CD276: variants seen among roughly 807,000 people sequenced by gnomAD.
CD276 encodes CD276 antigen.
Under a neutral mutation model 50.0 loss-of-function variants are expected in CD276, and 34 were observed. The ratio of observed to expected loss-of-function variants is 0.68; its 90% CI spans 0.52 to 0.91. The LOEUF (loss-of-function observed/expected upper bound fraction) is 0.91. Ranked by LOEUF, CD276 falls within the 40% of genes least tolerant of loss-of-function variation. CD276 has a pLI of 0.00. For missense variants in CD276, 634 were observed against 717.5 expected (o/e 0.88, Z 1.33); for synonymous variants, 275 against 313.0 (o/e 0.88, Z 1.28).
chr15:73,688,097 A>C (rs1211091778), intron 1 of CD276, among the ~76,000 whole-genome samples: 1 of 152,116 alleles, frequency 6.6e-6, no homozygotes, highest in African/African-American at 2.4e-5. Flanking sequence ...CGAGTTGTGC[A>C]TTTGCTACTT....
At chr15:73,695,784 C>T (rs756781403) in intron 1 of CD276, among the ~76,000 whole-genome samples, 1 of 152,226 alleles carries the variant, frequency 6.6e-6, no homozygotes, top group Non-Finnish European at 1.5e-5. Context: ...ACTTGTCTGA[C>T]ATTTTCAGAA....
rs769865072 is a variant in CD276, at chr15:73,702,257, G to A, written c.82G>A (p.Ala28Thr). ...LGALWFCLTGALEVQVPEDPV... is the reference protein window; with the variant it reads ...LGALWFCLTGTLEVQVPEDPV... ...TTCTCCACTCCCCCTACCCCCAGGA[G>A]CCCTGGAGGTCCAGGTCCCTGAAGA... Residue 28 changes from alanine (A) to threonine (T), a missense_variant and splice_region_variant, in exon 3 of 10, where the codon GCC becomes ACC. Transcript: ENST00000318443. 1.9e-6 allele frequency: 3 copies of A among 1,605,496 alleles called. No individual in the cohort carries two copies. The highest frequency in any genetic ancestry group is 2.7e-5 in the African/African-American group (2 of 74,714).
At chr15:73,707,030 C>T (rs1393972477) in intron 6 of CD276, among the ~76,000 whole-genome samples, 1 of 152,206 alleles carries the variant, frequency 6.6e-6, no homozygotes, top group Non-Finnish European at 1.5e-5. Flanking sequence ...CTTTTCTGCA[C>T]ACCTCTCTTC....
At position 73,708,374 on chromosome 15, in the gene CD276, G is replaced by A. The variant is rs200206394; in HGVS notation, c.1405G>A (p.Val469Met). The A allele has an allele frequency of 8.1e-6, 13 of 1,614,192 alleles. No homozygotes were observed. In the East Asian group the frequency reaches 2.2e-4, roughly 28 times the overall value. ...PMTFPPEALWVTVGLSVCLIA... is the reference protein window; with the variant it reads ...PMTFPPEALWMTVGLSVCLIA... ...GACATTCCCCCCAGAGGCCCTGTGG[G>A]TGACCGTGGGGCTGTCTGTCTGTCT... Residue 469 changes from valine to methionine, a missense_variant, in exon 7 of 10, where the codon GTG (valine) becomes ATG (methionine). Transcript: ENST00000318443.
At chr15:73,684,233 A>C (rs901434539), upstream of CD276, 1 of 151,358 alleles carries the variant, frequency 6.6e-6, no homozygotes, top group Non-Finnish European at 1.5e-5. Context: ...TGCTCTGCCC[A>C]GCGGGCTGGC....
At chr15:73,696,819 T>A (rs1227094367) in intron 1 of CD276, among the ~76,000 whole-genome samples, 1 of 152,070 alleles carries the variant, frequency 6.6e-6, no homozygotes, top group Admixed American at 6.5e-5. Flanking sequence ...GGGAGGGACA[T>A]GAGCAGATTC....
Position 73,713,844 on chromosome 15 carries a change from G to C in CD276, c.*888G>C. On this transcript the variant is annotated 3_prime_UTR_variant, in exon 10 of 10. Coordinates refer to ENST00000318443, the MANE Select transcript of CD276 (RefSeq NM_001024736.2). ...TTTCTTTTCATGTATCCATTCAGTT[G>C]ATGTTTATTGAGCAACTACAGATGT... 2.3e-6 allele frequency: 1 copy of C among 440,910 alleles called. No individual in the cohort carries two copies. The highest frequency in any genetic ancestry group is 4.5e-6 in the Non-Finnish European group (1 of 220,944). The allele number at this position is 440,910 out of a possible 1,614,324, so 27.3% of individuals were successfully genotyped here.
intron 1 of CD276, among the ~76,000 whole-genome samples, chr15:73,696,785 G>A: frequency 6.6e-6 from 1 of 152,196 alleles, no homozygotes; most frequent in Middle Eastern, 3.2e-3. Flanking sequence ...AGTGAATGGG[G>A]AGCCATGGGA....
chr15:73,695,224 A>G (rs1419535599), intron 1 of CD276, among the ~76,000 whole-genome samples: 1 of 152,190 alleles, frequency 6.6e-6, no homozygotes, highest in Non-Finnish European at 1.5e-5. Flanking sequence ...GAAGTTGCCT[A>G]GTTAAGATTG....
chr15:73,701,604 T>A (rs1900391326), intron 2 of CD276, among the ~76,000 whole-genome samples: 1 of 152,242 alleles, frequency 6.6e-6, no homozygotes, highest in South Asian at 2.1e-4. Context: ...GTTCTCTGTA[T>A]GTCAGCTCTT....
Position 73,704,314 on chromosome 15 carries a change from T to C in CD276, c.1211T>C (p.Leu404Pro), listed in dbSNP as rs1327131017. 1.9e-6 allele frequency: 3 copies of C among 1,613,802 alleles called. No homozygotes were observed. The highest frequency in any genetic ancestry group is 1.1e-5 in the South Asian group (1 of 91,076). ...VFWQDGQGVP[L>P]TGNVTTSQMA... ...TGGCAGGATGGGCAGGGTGTGCCCC[T>C]GACTGGCAACGTGACCACGTCGCAG... is the stretch of plus-strand genomic sequence containing the variant. The change falls in exon 6 of 10, where the codon CTG (leucine) becomes CCG (proline). Residue 404 changes from leucine to proline, a missense_variant. Leu to Pro is a moderately conservative substitution (Grantham distance 98, BLOSUM62 -3). Coordinates refer to ENST00000318443, the MANE Select transcript of CD276 (RefSeq NM_001024736.2). The surrounding 1 kb of genome is among the most constrained non-coding windows in gnomAD (Gnocchi z 4.1).
At chr15:73,709,608 G>A (rs1418325296) in intron 7 of CD276, 40 bp from the exon 8 acceptor site, 1 of 1,608,944 alleles carries the variant, frequency 6.2e-7, no homozygotes, top group Admixed American at 1.7e-5. Context: ...AAATGGGCTT[G>A]CAAAAGATTT....
rs767875571 is a variant in CD276 at position 73,703,924 on chromosome 15, G to A, written c.999G>A (p.Ala333=). The A allele has an allele frequency of 3.2e-5, 51 of 1,613,180 alleles. No homozygotes were observed. Among genetic ancestry groups the A allele is most frequent in the East Asian group, 6.7e-5 (3 of 44,894 alleles). The part of the protein sequence containing the change: ...ASLRLQRVRV[A]DEGSFTCFVS... ...TGAGGCTGCAGCGCGTGCGTGTGGC[G>A]GACGAGGGCAGCTTCACCTGCTTCG... The change falls in exon 5 of 10, where the codon GCG becomes GCA. Residue 333 remains alanine, a synonymous_variant. Transcript: ENST00000318443.
intron 6 of CD276, among the ~76,000 whole-genome samples, chr15:73,707,319 T>TG (rs1474797849): frequency 9.2e-5 from 14 of 152,186 alleles, no homozygotes; most frequent in Non-Finnish European, 5.9e-5. Flanking sequence ...CCCAGCTGGG[T>TG]GCAGGGGCTG....
In CD276 at chr15:73,713,047, G is replaced by A. The variant is rs1204868544; in HGVS notation, c.*91G>A. On this transcript the variant is annotated 3_prime_UTR_variant, in exon 10 of 10. Transcript: ENST00000318443. ...ACTGTGAGCCCTGCCCCCAACAGAT[G>A]CATCCTGCTCTGACAGGTGGGCTCC... 1.1e-4 allele frequency: 134 copies of A among 1,217,526 alleles called. 1 individual carries two copies. In the South Asian group the frequency reaches 1.2e-3, roughly 11 times the overall value. The allele number at this position is 1,217,526 out of a possible 1,614,324, so 75.4% of individuals were successfully genotyped here.
Position 73,703,996 on chromosome 15 carries a change from C to A in CD276, c.1071C>A (p.Ala357=). ...GCGCTGCCGTCAGCCTGCAGGTGGCCGGTGAGCACCAGGAGGGCGACGCCT... is the reference window on the plus strand; with the variant it reads ...GCGCTGCCGTCAGCCTGCAGGTGGCAGGTGAGCACCAGGAGGGCGACGCCT... ...FGSAAVSLQV[A]APYSKPSMTL... The change falls in exon 5 of 10, where the codon GCC becomes GCA. Residue 357 remains alanine, a splice_region_variant and synonymous_variant. Coordinates refer to ENST00000318443, the MANE Select transcript of CD276 (RefSeq NM_001024736.2). 6.2e-7 allele frequency: 1 copy of A among 1,607,584 alleles called. No homozygotes were observed. Among genetic ancestry groups the A allele is most frequent in the Non-Finnish European group, 8.5e-7 (1 of 1,177,700 alleles).
intron 6 of CD276, among the ~76,000 whole-genome samples, chr15:73,705,483 T>G (rs1305009549): frequency 6.6e-6 from 1 of 152,076 alleles, no homozygotes; most frequent in Non-Finnish European, 1.5e-5. Flanking sequence ...TCACTCCTCC[T>G]TCTCTCTTAC....
chr15:73,688,989 C>T (rs1167799742), intron 1 of CD276, among the ~76,000 whole-genome samples: 1 of 152,166 alleles, frequency 6.6e-6, no homozygotes, highest in Non-Finnish European at 1.5e-5. Context: ...CCTAGCAGGA[C>T]TCAGCAGATA....
intron 7 of CD276, among the ~76,000 whole-genome samples, chr15:73,709,186 G>A (rs1366059387): frequency 1.3e-5 from 2 of 152,158 alleles, no homozygotes; most frequent in African/African-American, 2.4e-5. Context: ...GGTTGGCAGG[G>A]CTACTGAGCG....
Sources: gnomAD v4.1 joint callset for allele counts (sites outside exome capture counted in the v4.1 genomes callset) on GRCh38, gnomAD v4.1.1 for gene constraint, Gnocchi (gnomAD v3.1) non-coding constraint, MANE v1.5 for transcripts, NCBI Gene and HGNC (gene_info 2026-07-23, HGNC 2026-07-21) for gene names.